Variants in TF observed in about 807,000 individuals in gnomAD.
TF encodes transferrin.
TF carries 55 observed loss-of-function variants against 82.4 expected under a neutral mutation model. That is an observed-to-expected ratio of 0.67 (90% CI 0.54 to 0.84). TF has a LOEUF of 0.84. Ranked by LOEUF, TF falls within the 40% of genes least tolerant of loss-of-function variation. TF has a pLI of 0.00. For synonymous variants in TF, 332 were observed against 332.6 expected, an observed-to-expected ratio of 1.00 and a Z score of 0.02; for missense variants, 737 against 868.4, an observed-to-expected ratio of 0.85 and a Z score of 1.90.
Position 133,753,675 on chromosome 3 carries a change from G to T in TF, c.297G>T (p.Val99=). ...TGGCTCCCAATAACCTGAAGCCTGT[G>T]GTGGCAGAGTTCTATGGGTCAAAAG... ...AYLAPNNLKP[V]VAEFYGSKED... Residue 99 remains valine, a synonymous_variant, in exon 3 of 17, where the codon GTG becomes GTT. Coordinates refer to ENST00000402696, the MANE Select transcript of TF (RefSeq NM_001063.4). 2 of 1,614,194 alleles carry T rather than the reference G, an allele frequency of 1.2e-6. No homozygotes were observed. The highest frequency in any genetic ancestry group is 1.7e-6 in the Non-Finnish European group (2 of 1,180,016).
At position 133,780,151 on chromosome 3, in the gene TF, C is replaced by G. The variant is rs1934486560; in HGVS notation, c.*1531C>G. ...ATTCAAGAAAATAGGACTCTGGGTC[C>G]ACTTTGCAGTCCAGACCTGATATGG... On this transcript the variant is annotated 3_prime_UTR_variant, in exon 17 of 17. Coordinates refer to ENST00000402696, the MANE Select transcript of TF (RefSeq NM_001063.4). The G allele has an allele frequency of 6.6e-6, 1 of 152,204 alleles. No homozygotes were observed. 9.4% of individuals were successfully genotyped at this position (152,204 alleles called of 1,614,324 possible). A position where few individuals can be genotyped will look rare whatever the true frequency, so the allele number is the denominator to read the frequency against.
chr3:133,679,793 G>T, the TF span, among the ~76,000 whole-genome samples: 1 of 152,072 alleles, frequency 6.6e-6, no homozygotes, highest in African/African-American at 2.4e-5. Flanking sequence ...AAGTCTTTGG[G>T]AGGACATGTA....
the TF span, among the ~76,000 whole-genome samples, chr3:133,720,794 ATT>A: frequency 6.6e-6 from 1 of 151,918 alleles, no homozygotes; most frequent in African/African-American, 2.4e-5. Context: ...GTCTGTGCCT[ATT>A]TTCTATTTCT....
chr3:133,671,795 G>GAA, the TF span, among the ~76,000 whole-genome samples: 5 of 54,486 alleles, frequency 9.2e-5, no homozygotes, highest in Non-Finnish European at 2.2e-4. Flanking sequence ...TCTGTCAAAA[G>GAA]AAAAAAAAAA....
chr3:133,754,179 A>G (rs1205634273), intron 3 of TF: 1 of 438,554 alleles, frequency 2.3e-6, no homozygotes, highest in Admixed American at 3.5e-5. Flanking sequence ...CCACAGCTCC[A>G]GTTTCCTGGT....
chr3:133,698,718 G>T, the TF span, among the ~76,000 whole-genome samples: 1 of 152,146 alleles, frequency 6.6e-6, no homozygotes, highest in Non-Finnish European at 1.5e-5. Context: ...ACATTTTCAA[G>T]GTCCCTATTT....
chr3:133,709,453 C>T, the TF span: 1 of 152,734 alleles, frequency 6.5e-6, no homozygotes, highest in South Asian at 2.1e-4. Flanking sequence ...CATTCTTCCT[C>T]CTCCTTCCCC....
At chr3:133,681,269 G>A in the TF span, among the ~76,000 whole-genome samples, 70 of 152,320 alleles carry the variant, frequency 4.6e-4, no homozygotes, top group South Asian at 0.012. Context: ...AGCTCCCAGC[G>A]TGAGCTACGC....
the TF span, chr3:133,688,410 T>G: frequency 6.6e-6 from 1 of 152,346 alleles, no homozygotes; most frequent in East Asian, 1.9e-4. Flanking sequence ...AGCCTATACT[T>G]TCGTTTTGTT....
the TF span, among the ~76,000 whole-genome samples, chr3:133,689,101 G>A: frequency 6.6e-6 from 1 of 152,134 alleles, no homozygotes; most frequent in Non-Finnish European, 1.5e-5. Context: ...CAAGACGGGT[G>A]GATCACTTGA....
Position 133,770,539 on chromosome 3 carries a change from G to C in TF, c.1654G>C (p.Val552Leu). Residue 552 changes from valine to leucine, a missense_variant, in exon 14 of 17, where the codon GTG becomes CTG. Coordinates refer to ENST00000402696, the MANE Select transcript of TF (RefSeq NM_001063.4). ...GGTTGAGAAGGGAGATGTGGCCTTT[G>C]TGAAACACCAGACTGTCCCACAGAA... Reference protein sequence around the residue: ...CLVEKGDVAFVKHQTVPQNTG... With the variant: ...CLVEKGDVAFLKHQTVPQNTG... The C allele has an allele frequency of 6.2e-7, 1 of 1,614,082 alleles. No homozygotes were observed. The highest frequency in any genetic ancestry group is 1.1e-5 in the South Asian group (1 of 91,080).
chr3:133,718,931 T>A, the TF span, among the ~76,000 whole-genome samples: 2 of 152,096 alleles, frequency 1.3e-5, no homozygotes, highest in Non-Finnish European at 2.9e-5. Flanking sequence ...GTGGTGGAGC[T>A]TAAGAAATGT....
the TF span, among the ~76,000 whole-genome samples, chr3:133,717,541 T>G: frequency 6.6e-6 from 1 of 152,182 alleles, no homozygotes; most frequent in African/African-American, 2.4e-5. Context: ...GTTGTTACAG[T>G]TCATCAGTTA....
At chr3:133,717,791 A>G in the TF span, among the ~76,000 whole-genome samples, 32 of 152,224 alleles carry the variant, frequency 2.1e-4, 1 homozygote, top group Admixed American at 2.1e-3. Context: ...ACACAAAGGG[A>G]ATTTTGTTTT....
upstream of TF, chr3:133,746,101 C>T (rs961507455): frequency 3.1e-5 from 14 of 446,110 alleles, no homozygotes; most frequent in Admixed American, 2.8e-4. Context: ...AGGAGCAGAG[C>T]CCCCCGGCTC....
At chr3:133,714,503 C>G in the TF span, among the ~76,000 whole-genome samples, 3 of 152,144 alleles carry the variant, frequency 2.0e-5, no homozygotes, top group African/African-American at 7.2e-5. Flanking sequence ...TACATTAAAT[C>G]TGGATGAAAT....
At chr3:133,677,143 CT>C in the TF span, among the ~76,000 whole-genome samples, 2 of 152,252 alleles carry the variant, frequency 1.3e-5, no homozygotes, top group East Asian at 3.8e-4. Context: ...CCTTTCTCAG[CT>C]TCTTGCCCTT....
At chr3:133,702,768 G>A in the TF span, among the ~76,000 whole-genome samples, 1 of 152,060 alleles carries the variant, frequency 6.6e-6, no homozygotes, top group South Asian at 2.1e-4. Flanking sequence ...GACAAACTTA[G>A]AAGGCTATGC....
chr3:133,719,232 C>T, the TF span, among the ~76,000 whole-genome samples: 45 of 152,190 alleles, frequency 3.0e-4, no homozygotes, highest in Middle Eastern at 6.8e-3. Flanking sequence ...TTTTAATCTC[C>T]GATATTGTGA....
Sources: gnomAD v4.1 joint callset for allele counts (sites outside exome capture counted in the v4.1 genomes callset) on GRCh38, gnomAD v4.1.1 for gene constraint, MANE v1.5 for transcripts, NCBI Gene and HGNC (gene_info 2026-07-23, HGNC 2026-07-21) for gene names.